Variants in STOX2 observed in about 807,000 individuals in gnomAD.
STOX2 encodes storkhead box 2.
Under a neutral mutation model 60.9 loss-of-function variants are expected in STOX2, and 28 were observed. The ratio of observed to expected loss-of-function variants is 0.46; its 90% CI spans 0.34 to 0.63. The LOEUF (loss-of-function observed/expected upper bound fraction) is 0.63. Among genes scored for constraint, STOX2 ranks in the 30% least tolerant of loss-of-function variants. The probability of loss-of-function intolerance (pLI) is 0.01; values close to 1 mark genes in which losing one functional copy is unlikely to be tolerated. For synonymous variants in STOX2, 472 were observed against 463.9 expected, an observed-to-expected ratio of 1.02 and a Z score of -0.22; for missense variants, 1,024 against 1,187.7, an observed-to-expected ratio of 0.86 and a Z score of 2.03.
chr4:184,010,949 T>C lies in STOX2; in HGVS notation c.2111T>C (p.Phe704Ser). 6.2e-7 allele frequency: 1 copy of C among 1,613,462 alleles called. No individual in the cohort carries two copies. The highest frequency in any genetic ancestry group is 8.5e-7 in the Non-Finnish European group (1 of 1,179,636). The change falls in exon 3 of 4, where the codon TTC becomes TCC. Residue 704 changes from phenylalanine to serine, a missense_variant. Physicochemically the swap from Phe to Ser is radical, Grantham distance 155. Transcript: ENST00000308497. This position sits in a 1 kb window ranked among gnomAD's most constrained non-coding sequence, Gnocchi z 4.5. ...GAGATATTTAGCAAAGACACACTGT[T>C]CAAACCTCTTCACAGCACCTTGTCT... ...RKEIFSKDTL[F>S]KPLHSTLSVN...
In STOX2 at chr4:183,806,995, C is replaced by T. The variant is rs561088173; in HGVS notation, c.364+8940C>T. Among the ~76,000 whole-genome samples the T allele has an allele frequency of 3.3e-5, 5 of 151,054 alleles. No homozygotes were observed. The highest frequency in any genetic ancestry group is 2.1e-4 in the South Asian group (1 of 4,784). On this transcript the variant is annotated intron_variant, in intron 1 of 2. Transcript: ENST00000513034. The surrounding 1 kb of genome is among the most constrained non-coding windows in gnomAD (Gnocchi z 4.1). ...TTCTTTTTTTCTTTTTTTTTTGAGACGGAGTCTTGCTCTGTCGCCCAGGCT... is the reference window on the plus strand; with the variant it reads ...TTCTTTTTTTCTTTTTTTTTTGAGATGGAGTCTTGCTCTGTCGCCCAGGCT...
intron 1 of STOX2, among the ~76,000 whole-genome samples, chr4:183,969,916 C>T (rs1363824033): frequency 6.6e-6 from 1 of 152,122 alleles, no homozygotes; most frequent in African/African-American, 2.4e-5. Flanking sequence ...GCCACCACAC[C>T]CTGCCATGGT....
rs116267218 is a variant in STOX2 at position 183,821,719 on chromosome 4, G to A, written c.364+23664G>A. Among the ~76,000 whole-genome samples, 2,106 of 152,280 alleles carry A rather than the reference G, an allele frequency of 0.014. 37 individuals are homozygous for A. The highest frequency in any genetic ancestry group is 0.047 in the African/African-American group (1,958 of 41,554). ...CCCCACCACCTCCCTTTTGAGCCCT[G>A]CCTAGAGGGGAGGGGAGGGGTCCCT... On this transcript the variant is annotated intron_variant, in intron 1 of 2. Coordinates refer to the STOX2 transcript ENST00000513034. The surrounding 1 kb of genome is among the most constrained non-coding windows in gnomAD (Gnocchi z 4.2).
At position 183,974,336 on chromosome 4, in the gene STOX2, C is replaced by T. The variant is rs116833170; in HGVS notation, c.167-26989C>T. Among the ~76,000 whole-genome samples, 1,363 of 151,752 alleles carry T rather than the reference C, an allele frequency of 9.0e-3. 17 individuals carry two copies. Among genetic ancestry groups the T allele is most frequent in the African/African-American group, 0.031 (1,298 of 41,388 alleles). On this transcript the variant is annotated intron_variant, in intron 1 of 3. Coordinates refer to ENST00000308497, the MANE Select transcript of STOX2 (RefSeq NM_020225.3). ...ACAGGAACAAAATGAGGGAAGAAAC[C>T]TAAAATAAATCATAAAGGGTAGATT...
rs1317866237 is a variant in STOX2, at chr4:183,905,764, A to G, written c.-1027A>G. On this transcript the variant is annotated 5_prime_UTR_variant, in exon 1 of 4. Coordinates refer to ENST00000308497, the MANE Select transcript of STOX2 (RefSeq NM_020225.3). ...AAGGCAGCCTGGTGATTAGCATGAG[A>G]CTGGGCGGCTGTCCTGCTTCCTGCC... The G allele has an allele frequency of 6.6e-6, 1 of 152,182 alleles. No homozygotes were observed. Among genetic ancestry groups the G allele is most frequent in the Non-Finnish European group, 1.5e-5 (1 of 68,058 alleles). The allele number at this position is 152,182 out of a possible 1,614,324, so 9.4% of individuals were successfully genotyped here.
intron 1 of STOX2, among the ~76,000 whole-genome samples, chr4:183,922,088 T>C (rs1382629449): frequency 6.6e-6 from 1 of 152,188 alleles, no homozygotes; most frequent in Non-Finnish European, 1.5e-5. Context: ...TGGGAGAGAT[T>C]TGATTAGTAA....
intron 1 of STOX2, among the ~76,000 whole-genome samples, chr4:183,872,604 C>G (rs1435986504): frequency 6.6e-6 from 1 of 152,104 alleles, no homozygotes; most frequent in East Asian, 1.9e-4. Flanking sequence ...GGGCCTCTTG[C>G]AGATTGTGAA....
chr4:183,840,066 G>A (rs771064350), intron 1 of STOX2, among the ~76,000 whole-genome samples: 1 of 152,114 alleles, frequency 6.6e-6, no homozygotes, highest in Non-Finnish European at 1.5e-5. Flanking sequence ...GTGTGTGTGT[G>A]TGTTGGTTGT....
At chr4:183,897,456 T>G (rs9998134) in intron 1 of STOX2, among the ~76,000 whole-genome samples, 7,237 of 152,210 alleles carry the variant, frequency 0.048, 608 homozygotes, top group African/African-American at 0.16. Flanking sequence ...ATGCTAATTG[T>G]CAAAGACAGG....
At chr4:184,012,221 G>A (rs1734200966) in intron 3 of STOX2, among the ~76,000 whole-genome samples, 1 of 152,192 alleles carries the variant, frequency 6.6e-6, no homozygotes, top group Non-Finnish European at 1.5e-5. Context: ...AAGCAAACAA[G>A]AGTCTGTGCA....
chr4:183,902,578 G>A (rs544316569), upstream of STOX2, among the ~76,000 whole-genome samples: 93 of 152,204 alleles, frequency 6.1e-4, no homozygotes, highest in African/African-American at 2.1e-3. Flanking sequence ...TCTGAAACTG[G>A]GCCCAGGGAC....
chr4:184,009,347 G>A lies in STOX2; in HGVS notation c.509G>A (p.Cys170Tyr). Reference protein sequence around the residue: ...LDERIPDRSQCTSPQPGTITP... With the variant: ...LDERIPDRSQYTSPQPGTITP... ...GAGAGGATACCTGACCGGTCTCAGT[G>A]CACCTCTCCGCAACCCGGGACCATC... Residue 170 changes from cysteine (C) to tyrosine (Y), a missense_variant, in exon 3 of 4, where the codon TGC becomes TAC. Physicochemically the swap from Cys to Tyr is radical, Grantham distance 194 (BLOSUM62 -2). Around this residue, in one of 3 missense-constraint regions of STOX2, gnomAD observed 922 missense variants for 1,058.3 expected, o/e 0.87. Transcript: ENST00000308497. The surrounding 1 kb of genome is among the most constrained non-coding windows in gnomAD (Gnocchi z 4.0). The A allele has an allele frequency of 6.2e-7, 1 of 1,613,928 alleles. No individual in the cohort carries two copies. Among genetic ancestry groups the A allele is most frequent in the Non-Finnish European group, 8.5e-7 (1 of 1,179,886 alleles).
At chr4:183,854,551 TTATAA>T (rs999871393) in intron 1 of STOX2, among the ~76,000 whole-genome samples, 1 of 152,218 alleles carries the variant, frequency 6.6e-6, no homozygotes, top group African/African-American at 2.4e-5. Flanking sequence ...TTATTATTTT[TTATAA>T]AAAGTAAAAG....
chr4:184,001,229 C>A lies in STOX2; in HGVS notation c.167-96C>A. 1 of 1,227,180 alleles carries A rather than the reference C, an allele frequency of 8.1e-7. No individual in the cohort carries two copies. The highest frequency in any genetic ancestry group is 1.2e-6 in the Non-Finnish European group (1 of 860,662). 76.0% of individuals were successfully genotyped at this position (1,227,180 alleles called of 1,614,324 possible). ...TGCTATGTTCGGAGCTGACTGTGTT[C>A]GTCAGACCAGGGCCAGATGGACGCG... is the stretch of plus-strand genomic sequence containing the variant. On this transcript the variant is annotated intron_variant, in intron 1 of 3. Coordinates refer to ENST00000308497, the MANE Select transcript of STOX2 (RefSeq NM_020225.3). The surrounding 1 kb of genome is among the most constrained non-coding windows in gnomAD (Gnocchi z 4.2).
chr4:183,849,498 G>T (rs1482657871), intron 1 of STOX2, among the ~76,000 whole-genome samples: 1 of 152,252 alleles, frequency 6.6e-6, no homozygotes, highest in African/African-American at 2.4e-5. Flanking sequence ...CATTTACAGG[G>T]CTTGGAAAGA....
chr4:183,946,243 T>G (rs1188615509), intron 1 of STOX2, among the ~76,000 whole-genome samples: 2 of 152,238 alleles, frequency 1.3e-5, no homozygotes, highest in East Asian at 3.8e-4. Context: ...AAGCGTTTAT[T>G]TGCTGTGCGA....
At position 183,868,375 on chromosome 4, in the gene STOX2, A is replaced by G. The variant is rs1740619403; in HGVS notation, c.364+70320A>G. Among the ~76,000 whole-genome samples, 3 of 152,112 alleles carry G rather than the reference A, an allele frequency of 2.0e-5. No individual in the cohort carries two copies. In the South Asian group the frequency reaches 6.2e-4, roughly 32 times the overall value. On this transcript the variant is annotated intron_variant, in intron 1 of 2. Coordinates refer to the STOX2 transcript ENST00000513034. ...CAGGAGGTTGAGCCTGCAGTGAGCT[A>G]TGATTGTGCCATTGCACTTCAGCCT...
intron 2 of STOX2, among the ~76,000 whole-genome samples, chr4:184,004,525 G>A (rs536364597): frequency 1.5e-3 from 227 of 152,244 alleles, no homozygotes; most frequent in African/African-American, 4.3e-3. Context: ...GCGTGAACCC[G>A]GGAGGCCGAG....
intron 1 of STOX2, among the ~76,000 whole-genome samples, chr4:183,877,044 G>GT (rs1462154880): frequency 6.6e-6 from 1 of 152,258 alleles, no homozygotes; most frequent in South Asian, 2.1e-4. Flanking sequence ...ATGAGACTGT[G>GT]TTTTTTGGGT....
Sources: allele counts gnomAD v4.1 joint callset (sites outside exome capture counted in the v4.1 genomes callset), GRCh38; gene constraint gnomAD v4.1.1; regional missense constraint gnomAD v4.1.1; non-coding constraint Gnocchi (gnomAD v3.1); transcripts MANE v1.5; gene names NCBI Gene and HGNC (gene_info 2026-07-23, HGNC 2026-07-21).